Variants in PDILT observed in about 807,000 individuals in gnomAD.
The protein encoded by PDILT is protein disulfide isomerase like, testis expressed, also known as protein disulfide-isomerase-like protein of the testis.
In PDILT, 43 loss-of-function variants were observed where a neutral mutation model predicts 53.7. The ratio of observed to expected loss-of-function variants is 0.80; its 90% CI spans 0.63 to 1.03. PDILT has a LOEUF of 1.03. Ranked by LOEUF, PDILT falls within the 50% of genes least tolerant of loss-of-function variation. PDILT has a pLI of 0.00. For missense variants in PDILT, 727 were observed against 712.3 expected (o/e 1.02, Z -0.24); for synonymous variants, 282 against 274.2 (o/e 1.03, Z -0.28).
intron 5 of PDILT, among the ~76,000 whole-genome samples, chr16:20,373,498 A>G (rs1200689072): frequency 6.6e-6 from 1 of 152,224 alleles, no homozygotes; most frequent in Non-Finnish European, 1.5e-5. Context: ...AGACAAACCC[A>G]GTCCCAGGAG....
At chr16:20,386,277 C>T (rs1237505606) in intron 2 of PDILT, among the ~76,000 whole-genome samples, 1 of 152,144 alleles carries the variant, frequency 6.6e-6, no homozygotes, top group East Asian at 1.9e-4. Context: ...CCAAGTGTGC[C>T]TTTCTTCCTC....
At chr16:20,370,394 G>A (rs1396751346) in intron 7 of PDILT, among the ~76,000 whole-genome samples, 1 of 152,190 alleles carries the variant, frequency 6.6e-6, no homozygotes, top group Non-Finnish European at 1.5e-5. Flanking sequence ...ATGGGGTAAG[G>A]TAGGGGCTCA....
Position 20,383,466 on chromosome 16 carries a change from C to T in PDILT, c.409+1179G>A, listed in dbSNP as rs186115704. On this transcript the variant is annotated intron_variant, in intron 3 of 11. Transcript: ENST00000302451. ...CCCTCCCTCCCCATCTCTTCTCTGG[C>T]GCCCGCAGCCACCACCCTCCCACAA... Among the ~76,000 whole-genome samples the T allele has an allele frequency of 6.7e-3, 793 of 118,916 alleles. 3 individuals are homozygous for T. The highest frequency in any genetic ancestry group is 8.8e-3 in the Non-Finnish European group (525 of 59,400). The allele number at this position is 118,916 out of a possible 152,430, so 78.0% of individuals were successfully genotyped here. A position where few individuals can be genotyped will look rare whatever the true frequency, so the allele number is the denominator to read the frequency against.
chr16:20,397,769 G>C (rs1166003700), intron 2 of PDILT, among the ~76,000 whole-genome samples: 1 of 152,146 alleles, frequency 6.6e-6, no homozygotes, highest in Non-Finnish European at 1.5e-5. Flanking sequence ...GAAGGGAAAG[G>C]CACCCTGCCT....
At chr16:20,376,502 T>G (rs530896586) in intron 3 of PDILT, among the ~76,000 whole-genome samples, 1 of 152,342 alleles carries the variant, frequency 6.6e-6, no homozygotes, top group Non-Finnish European at 1.5e-5. Flanking sequence ...ATTTTGCAGA[T>G]GAAGAAACCA....
At chr16:20,364,507 C>G (rs1229095768) in intron 9 of PDILT, among the ~76,000 whole-genome samples, 1 of 152,220 alleles carries the variant, frequency 6.6e-6, no homozygotes, top group Non-Finnish European at 1.5e-5. Context: ...GGGAAAACCA[C>G]CATACCTTCC....
intron 4 of PDILT, among the ~76,000 whole-genome samples, chr16:20,375,765 C>T (rs1166297035): frequency 1.3e-5 from 2 of 149,220 alleles, no homozygotes; most frequent in Non-Finnish European, 2.9e-5. Context: ...TGGTGGCCTT[C>T]AGATTCATAG....
rs140909611 is a variant in PDILT, at chr16:20,372,823, T to G, written c.897A>C (p.Ala299=). 1 of 1,614,076 alleles carries G rather than the reference T, an allele frequency of 6.2e-7. No homozygotes were observed. The highest frequency in any genetic ancestry group is 8.5e-7 in the Non-Finnish European group (1 of 1,179,928). The change falls in exon 7 of 12, where the codon GCA becomes GCC. Residue 299 remains alanine, a synonymous_variant. Coordinates refer to ENST00000302451, the MANE Select transcript of PDILT (RefSeq NM_174924.2). ...AAACCTTGTTTTGGAATTCCTTTGA[T>G]GCCAGCTTATAATGCTGAATTATGA... is the stretch of plus-strand genomic sequence containing the variant. ...YGIIIQHYKL[A]SKEFQNKILF... is the part of the protein sequence containing the mutation.
chr16:20,378,414 C>A (rs555742726), intron 3 of PDILT, among the ~76,000 whole-genome samples: 39 of 152,166 alleles, frequency 2.6e-4, no homozygotes, highest in African/African-American at 4.8e-4. Flanking sequence ...TCTTGTTCTT[C>A]TTCTGCTTCC....
In PDILT at chr16:20,377,410, G is replaced by A. The variant is rs1221294372; in HGVS notation, c.410-1209C>T. Among the ~76,000 whole-genome samples the A allele has an allele frequency of 2.0e-5, 3 of 152,172 alleles. No individual in the cohort carries two copies. In the East Asian group the frequency reaches 5.8e-4, roughly 29 times the overall value. ...TTTACTTGGCAAATATGTACCGAGT[G>A]CTTACTATCAAGTGCTGTACTCAGC... On this transcript the variant is annotated intron_variant, in intron 3 of 11. Transcript: ENST00000302451.
At chr16:20,400,050 CTATCTATATATA>C (rs1250923974) in intron 1 of PDILT, among the ~76,000 whole-genome samples, 2 of 123,882 alleles carry the variant, frequency 1.6e-5, no homozygotes, top group African/African-American at 7.6e-5. Flanking sequence ...ATCTATCTAT[CTATCTATATATA>C]TATATATATA....
chr16:20,381,728 A>G (rs1300926272), intron 3 of PDILT, among the ~76,000 whole-genome samples: 1 of 151,698 alleles, frequency 6.6e-6, no homozygotes, highest in Non-Finnish European at 1.5e-5. Flanking sequence ...AAATCCAGGC[A>G]TCCTCAATCC....
intron 4 of PDILT, among the ~76,000 whole-genome samples, chr16:20,375,582 G>A (rs978302066): frequency 2.0e-5 from 3 of 152,172 alleles, no homozygotes; most frequent in Admixed American, 6.5e-5. Context: ...ATTATGAGAC[G>A]TTTCATGATT....
At position 20,363,553 on chromosome 16, in the gene PDILT, C is replaced by T. The variant is rs145507310; in HGVS notation, c.1238-971G>A. On this transcript the variant is annotated intron_variant, in intron 9 of 11. Coordinates refer to ENST00000302451, the MANE Select transcript of PDILT (RefSeq NM_174924.2). ...TTCACAATAGAGGTTTGGGAACTTG[C>T]CCAAAGCTATGCAGTAATTGCACTT... 1.2e-3 allele frequency among the ~76,000 whole-genome samples: 178 copies of T among 151,904 alleles called. 1 individual carries two copies. The East Asian group carries it at 0.021, about 18-fold the overall frequency.
In PDILT at chr16:20,399,692, G is replaced by T. The variant is rs995163740; in HGVS notation, c.-7-385C>A. On this transcript the variant is annotated intron_variant, in intron 1 of 11. Coordinates refer to ENST00000302451, the MANE Select transcript of PDILT (RefSeq NM_174924.2). ...ATAACTGGTTCAATCCCCCATCACA[G>T]CCCCCCAGGAATCCCCCTGCCTACA... 3.2e-5 allele frequency among the ~76,000 whole-genome samples: 3 copies of T among 94,436 alleles called. No homozygotes were observed. In the Admixed American group the frequency reaches 4.0e-4, roughly 13 times the overall value. The allele number at this position is 94,436 out of a possible 152,430, so 62.0% of individuals were successfully genotyped here. A position where few individuals can be genotyped will look rare whatever the true frequency, so the allele number is the denominator to read the frequency against.
At position 20,359,487 on chromosome 16, in the gene PDILT, C is replaced by G. The variant is rs1966066068; in HGVS notation, c.1587G>C (p.Gly529=). The change falls in exon 12 of 12, where the codon GGG becomes GGC. Residue 529 remains glycine (G), a synonymous_variant. Transcript: ENST00000302451. ...GCTCAGGCGACTGCTGTTCAGGTAA[C>G]CCTTTCCTCATCATAGGCACCTCCT... is the stretch of plus-strand genomic sequence containing the variant. ...EEKEVPMMRK[G]LPEQQSPELE... The G allele has an allele frequency of 6.2e-7, 1 of 1,614,022 alleles. No homozygotes were observed. Among genetic ancestry groups the G allele is most frequent in the South Asian group, 1.1e-5 (1 of 91,080 alleles).
intron 4 of PDILT, among the ~76,000 whole-genome samples, chr16:20,375,803 A>C (rs1344912323): frequency 1.3e-5 from 2 of 149,312 alleles, no homozygotes; most frequent in Non-Finnish European, 2.9e-5. Context: ...ACCAGAAACT[A>C]AGACATCCTT....
At chr16:20,361,129 A>G in intron 10 of PDILT, among the ~76,000 whole-genome samples, 1 of 151,634 alleles carries the variant, frequency 6.6e-6, no homozygotes, top group East Asian at 1.9e-4. Flanking sequence ...GAGGAAGAAT[A>G]GTTCTTTTCG....
rs74408754 is a variant in PDILT, at chr16:20,371,122, C to G, written c.919-1433G>C. Among the ~76,000 whole-genome samples, 905 of 152,182 alleles carry G rather than the reference C, an allele frequency of 5.9e-3. 10 individuals are homozygous for G. The highest frequency in any genetic ancestry group is 0.02 in the African/African-American group (850 of 41,520). On this transcript the variant is annotated intron_variant, in intron 7 of 11. Coordinates refer to ENST00000302451, the MANE Select transcript of PDILT (RefSeq NM_174924.2). Reference sequence around the variant, plus strand: ...AGAACCCTCTCTTAGGGTCTGGAACCGGACCCCTTTCCAGTAACAGCTTCA... The same window carrying G: ...AGAACCCTCTCTTAGGGTCTGGAACGGGACCCCTTTCCAGTAACAGCTTCA...
Sources: gnomAD v4.1 joint callset for allele counts (sites outside exome capture counted in the v4.1 genomes callset) on GRCh38, gnomAD v4.1.1 for gene constraint, MANE v1.5 for transcripts, NCBI Gene and HGNC (gene_info 2026-07-23, HGNC 2026-07-21) for gene names.